The following TMEM45B variants were observed in gnomAD, a reference collection of about 807,000 sequenced individuals.
The protein encoded by TMEM45B is transmembrane protein 45B.
Under a neutral mutation model 27.3 loss-of-function variants are expected in TMEM45B, and 29 were observed. The observed-to-expected ratio is 1.06, with a 90% CI of 0.79 to 1.45. TMEM45B has a LOEUF of 1.45. Among genes scored for constraint, TMEM45B ranks in the 40% most tolerant of loss-of-function variants. TMEM45B has a pLI of 0.00. For synonymous variants in TMEM45B, 143 were observed against 134.7 expected (o/e 1.06, Z -0.43); for missense variants, 348 against 343.9 (o/e 1.01, Z -0.09).
chr11:129,832,608 T>A (rs1346813837), intron 1 of TMEM45B, among the ~76,000 whole-genome samples: 1 of 103,292 alleles, frequency 9.7e-6, no homozygotes, highest in African/African-American at 3.6e-5. Context: ...GGTAAAAGCA[T>A]TTTAAAATTG....
chr11:129,854,058 G>A (rs1229024032), intron 2 of TMEM45B, among the ~76,000 whole-genome samples: 1 of 152,198 alleles, frequency 6.6e-6, no homozygotes, highest in African/African-American at 2.4e-5. Context: ...GGGGCGCAGG[G>A]CTTGCAGAGC....
chr11:129,840,655 G>A (rs1044201853), intron 1 of TMEM45B, among the ~76,000 whole-genome samples: 3 of 152,118 alleles, frequency 2.0e-5, no homozygotes, highest in African/African-American at 7.2e-5. Flanking sequence ...GGCTGAGGCA[G>A]GTGGATCACT....
intron 1 of TMEM45B, among the ~76,000 whole-genome samples, chr11:129,833,901 T>C (rs1947585194): frequency 6.6e-6 from 1 of 152,204 alleles, no homozygotes; most frequent in Non-Finnish European, 1.5e-5. Flanking sequence ...GCCAATGCAT[T>C]GGTCTCAGAC....
Position 129,846,210 on chromosome 11 carries a change from G to C in TMEM45B, c.-8-6265G>C, listed in dbSNP as rs943228654. On this transcript the variant is annotated intron_variant, in intron 1 of 5. Coordinates refer to ENST00000281441, the MANE Select transcript of TMEM45B (RefSeq NM_138788.5). ...AGGCCAGGTGCGGTGGCTCACGCCT[G>C]TAATCCCAGCATGTTGGGAGGTCAA... 5.9e-5 allele frequency among the ~76,000 whole-genome samples: 9 copies of C among 152,218 alleles called. No individual in the cohort carries two copies. In the East Asian group the frequency reaches 1.7e-3, roughly 29 times the overall value.
At chr11:129,838,552 A>G (rs1285008926) in intron 1 of TMEM45B, among the ~76,000 whole-genome samples, 2 of 152,204 alleles carry the variant, frequency 1.3e-5, no homozygotes, top group African/African-American at 4.8e-5. Flanking sequence ...CTTCTAGGAC[A>G]GCTGGCATAC....
chr11:129,838,125 G>T (rs888057308), intron 1 of TMEM45B, among the ~76,000 whole-genome samples: 3 of 152,144 alleles, frequency 2.0e-5, no homozygotes, highest in African/African-American at 7.2e-5. Flanking sequence ...CTAAGAGGGA[G>T]TTAAGTGGGA....
rs554471719 is a variant in TMEM45B, at chr11:129,836,724, C to T, written c.-8-15751C>T. On this transcript the variant is annotated intron_variant, in intron 1 of 5. Coordinates refer to ENST00000281441, the MANE Select transcript of TMEM45B (RefSeq NM_138788.5). ...TCTCCAAGCCAAGGAGAGAGGCCTCCAGAACTGAGAATATAAATGGTTGTT... is the reference window on the plus strand; with the variant it reads ...TCTCCAAGCCAAGGAGAGAGGCCTCTAGAACTGAGAATATAAATGGTTGTT... Among the ~76,000 whole-genome samples, 7 of 152,186 alleles carry T rather than the reference C, an allele frequency of 4.6e-5. No individual in the cohort carries two copies. The East Asian group carries it at 1.4e-3, about 29-fold the overall frequency.
Position 129,855,888 on chromosome 11 carries a change from G to C in TMEM45B, c.566G>C (p.Trp189Ser). Reference sequence around the variant, plus strand: ...ATCATTCTTCAGGGAACCTGGTTCTGGCAGGTGATTTTCCACACCCAGGCC... The same window carrying C: ...ATCATTCTTCAGGGAACCTGGTTCTCGCAGGTGATTTTCCACACCCAGGCC... ...SLIILQGTWF[W>S]QIGFVLFPPF... is the part of the protein sequence containing the mutation. The change falls in exon 4 of 6, where the codon TGG (tryptophan) becomes TCG (serine). Residue 189 changes from tryptophan to serine, a missense_variant. Coordinates refer to ENST00000281441, the MANE Select transcript of TMEM45B (RefSeq NM_138788.5). The C allele has an allele frequency of 1.2e-6, 2 of 1,614,046 alleles. No individual in the cohort carries two copies. Among genetic ancestry groups the C allele is most frequent in the Non-Finnish European group, 1.7e-6 (2 of 1,179,968 alleles).
chr11:129,852,080 T>C (rs1947854548), intron 1 of TMEM45B, among the ~76,000 whole-genome samples: 1 of 152,206 alleles, frequency 6.6e-6, no homozygotes. Flanking sequence ...ATGTTTCTGA[T>C]TTGTTGTTTA....
Position 129,855,795 on chromosome 11 carries a change from G to A in TMEM45B, c.473G>A (p.Cys158Tyr), listed in dbSNP as rs1374634333. The A allele has an allele frequency of 6.2e-7, 1 of 1,614,182 alleles. No homozygotes were observed. The highest frequency in any genetic ancestry group is 1.7e-5 in the Admixed American group (1 of 60,022). Residue 158 changes from cysteine (C) to tyrosine (Y), a missense_variant, in exon 4 of 6, where the codon TGT becomes TAT. Physicochemically the swap from Cys to Tyr is radical, Grantham distance 194 (BLOSUM62 -2). Coordinates refer to ENST00000281441, the MANE Select transcript of TMEM45B (RefSeq NM_138788.5). The stretch of plus-strand genomic sequence containing the variant: ...CTGCTGTATGCTCTGTTCGGAGGGT[G>A]TGTTAGTATCTCCCTAGAGGTGATC... Reference protein sequence around the residue: ...SLLLYALFGGCVSISLEVIFR... With the variant: ...SLLLYALFGGYVSISLEVIFR...
intron 1 of TMEM45B, among the ~76,000 whole-genome samples, chr11:129,830,228 G>T (rs1309807508): frequency 6.6e-6 from 1 of 152,216 alleles, no homozygotes; most frequent in East Asian, 1.9e-4. Flanking sequence ...TCAGGAGGCT[G>T]AGGTGGGAGA....
chr11:129,858,878 T>C lies in TMEM45B; in HGVS notation c.*193T>C. 4.6e-6 allele frequency: 2 copies of C among 433,890 alleles called. No homozygotes were observed. The highest frequency in any genetic ancestry group is 4.2e-6 in the Non-Finnish European group (1 of 239,246). The allele number at this position is 433,890 out of a possible 1,614,324, so 26.9% of individuals were successfully genotyped here. A position where few individuals can be genotyped will look rare whatever the true frequency, so the allele number is the denominator to read the frequency against. ...TCCTGTGTATCTTGCAGTTGGGATT[T>C]TTAAACATACTATAAAGTCTGTGTT... is the stretch of plus-strand genomic sequence containing the variant. On this transcript the variant is annotated 3_prime_UTR_variant, in exon 6 of 6. Transcript: ENST00000281441.
chr11:129,840,787 AG>A (rs1947679637), intron 1 of TMEM45B, among the ~76,000 whole-genome samples: 1 of 152,058 alleles, frequency 6.6e-6, no homozygotes, highest in Admixed American at 6.6e-5. Context: ...TGGGAGACTG[AG>A]GCAGGAGAAT....
At chr11:129,833,120 G>A (rs1216343522) in intron 1 of TMEM45B, among the ~76,000 whole-genome samples, 7 of 151,884 alleles carry the variant, frequency 4.6e-5, no homozygotes, top group Non-Finnish European at 1.0e-4. Flanking sequence ...CGCACCTGTA[G>A]TCCCAGCTAC....
chr11:129,841,690 G>A (rs1356898056), intron 1 of TMEM45B, among the ~76,000 whole-genome samples: 10 of 146,972 alleles, frequency 6.8e-5, no homozygotes, highest in Admixed American at 2.8e-4. Flanking sequence ...TCTACCTCCT[G>A]GGTTCAAGTG....
At chr11:129,832,675 T>C (rs1053675918) in intron 1 of TMEM45B, among the ~76,000 whole-genome samples, 1 of 152,102 alleles carries the variant, frequency 6.6e-6, no homozygotes, top group African/African-American at 2.4e-5. Context: ...CAGCTGTTAG[T>C]AAACCAAAAA....
intron 5 of TMEM45B, among the ~76,000 whole-genome samples, chr11:129,857,728 G>C (rs1297776576): frequency 6.6e-6 from 1 of 152,176 alleles, no homozygotes; most frequent in Non-Finnish European, 1.5e-5. Flanking sequence ...GTGTGGTGGG[G>C]AATACTGAAA....
intron 1 of TMEM45B, among the ~76,000 whole-genome samples, chr11:129,850,785 A>C (rs1158404317): frequency 6.6e-6 from 1 of 152,124 alleles, no homozygotes; most frequent in Non-Finnish European, 1.5e-5. Flanking sequence ...CTCATATCCC[A>C]CATCTACAGC....
intron 1 of TMEM45B, among the ~76,000 whole-genome samples, chr11:129,824,544 A>G (rs1226561486): frequency 6.6e-6 from 1 of 152,242 alleles, no homozygotes; most frequent in African/African-American, 2.4e-5. Flanking sequence ...GTATGAAAAT[A>G]GTAACGGTAC....
Sources: gnomAD v4.1 joint callset for allele counts (sites outside exome capture counted in the v4.1 genomes callset) on GRCh38, gnomAD v4.1.1 for gene constraint, MANE v1.5 for transcripts, NCBI Gene and HGNC (gene_info 2026-07-23, HGNC 2026-07-21) for gene names.